The following HSPD1 variants were observed in gnomAD, a reference collection of about 807,000 sequenced individuals.
HSPD1 encodes the protein heat shock protein family D (Hsp60) member 1.
In HSPD1, 3 loss-of-function variants were observed where a neutral mutation model predicts 53.0. The ratio of observed to expected loss-of-function variants is 0.06; its 90% confidence interval spans 0.03 to 0.15. The LOEUF (loss-of-function observed/expected upper bound fraction) is 0.15, where lower values mean the gene tolerates loss of function less well. HSPD1 is among the 10% of genes least tolerant of loss of function. The probability of loss-of-function intolerance (pLI) is 1.00; values close to 1 mark genes in which losing one functional copy is unlikely to be tolerated. For synonymous variants in HSPD1, 200 were observed against 228.0 expected (o/e 0.88, Z 1.10); for missense variants, 431 against 694.1 (o/e 0.62, Z 4.26).
intron 3 of HSPD1, chr2:197,496,884 TG>T (rs2086164918): frequency 2.1e-6 from 1 of 482,230 alleles, no homozygotes; most frequent in Non-Finnish European, 3.8e-6. Context: ...CAGTCCAGCC[TG>T]GGCTACAGAG....
upstream of HSPD1, chr2:197,500,192 G>C (rs1303617308): frequency 6.8e-6 from 4 of 590,916 alleles, no homozygotes; most frequent in Non-Finnish European, 3.0e-6. Context: ...CCTAGAAACA[G>C]CTCCTTTTTT....
rs531036317 is a variant in HSPD1, at chr2:197,494,092, C to T, written c.700+65G>A. The T allele has an allele frequency of 3.1e-4, 263 of 835,972 alleles. 1 individual carries two copies. The Middle Eastern group carries it at 3.8e-3, about 12-fold the overall frequency. The allele number at this position is 835,972 out of a possible 1,614,324, so 51.8% of individuals were successfully genotyped here. On this transcript the variant is annotated intron_variant, in intron 6 of 11. Transcript: ENST00000388968. Reference sequence around the variant, plus strand: ...TGCCACTGCACTCCAGCCGGGGCAACAGAGAATGAGACTCTGTCTAAAATA... The same window carrying T: ...TGCCACTGCACTCCAGCCGGGGCAATAGAGAATGAGACTCTGTCTAAAATA...
In HSPD1 at chr2:197,493,627, A is replaced by T. The variant is rs1365750488; in HGVS notation, c.701-135T>A. 1.4e-5 allele frequency: 10 copies of T among 692,938 alleles called. No homozygotes were observed. In the Admixed American group the frequency reaches 2.4e-4, roughly 17 times the overall value. The allele number at this position is 692,938 out of a possible 1,614,324, so 42.9% of individuals were successfully genotyped here. ...TTTTCCTCCTTCATTTCTCATATGCATTAACTTTTGGAATATATACATTTA... is the reference window on the plus strand; with the variant it reads ...TTTTCCTCCTTCATTTCTCATATGCTTTAACTTTTGGAATATATACATTTA... On this transcript the variant is annotated intron_variant, in intron 6 of 11. Transcript: ENST00000388968.
At chr2:197,498,587 A>G (rs1374298369) in intron 2 of HSPD1, 88 bp downstream of exon 2, 1 of 1,162,564 alleles carries the variant, frequency 8.6e-7, no homozygotes, top group Non-Finnish European at 1.3e-6. Context: ...ATGGAGATGA[A>G]AGTACTGTTG....
chr2:197,487,115 T>C lies in HSPD1; in HGVS notation c.1653A>G (p.Lys551=), dbSNP rs1471975974. The C allele has an allele frequency of 3.2e-6, 5 of 1,582,454 alleles. No homozygotes were observed. Among genetic ancestry groups the C allele is most frequent in the Non-Finnish European group, 4.3e-6 (5 of 1,151,618 alleles). The change falls in exon 12 of 12, where the codon AAA becomes AAG. Residue 551 remains lysine, a synonymous_variant. Transcript: ENST00000388968. ...TAEVVVTEIP[K]EEKDPGMGAM... ...CACCCATTCCAGGGTCCTTCTCTTC[T>C]TTAGGAATTTCTGTGACTACAACTT...
In HSPD1 at chr2:197,489,164, G is replaced by A. The variant is rs762528177; in HGVS notation, c.1053C>T (p.Thr351=). The part of the protein sequence containing the change: ...DLGKVGEVIV[T]KDDAMLLKGK... ...CTTTTAAGAGCATGGCATCGTCTTTGGTCACAATGACCTCTCCAACTTTTC... is the reference window on the plus strand; with the variant it reads ...CTTTTAAGAGCATGGCATCGTCTTTAGTCACAATGACCTCTCCAACTTTTC... Residue 351 remains threonine (T), a synonymous_variant, in exon 9 of 12, where the codon ACC becomes ACT. Transcript: ENST00000388968. 1 of 1,613,968 alleles carries A rather than the reference G, an allele frequency of 6.2e-7. No individual in the cohort carries two copies.
In HSPD1 at chr2:197,494,258, A is replaced by T. The variant is rs1393999852; in HGVS notation, c.607-8T>A. The T allele has an allele frequency of 4.0e-5, 54 of 1,361,714 alleles. No individual in the cohort carries two copies. Among genetic ancestry groups the T allele is most frequent in the Non-Finnish European group, 5.6e-5 (53 of 949,852 alleles). 84.4% of individuals were successfully genotyped at this position (1,361,714 alleles called of 1,614,324 possible). ...ATTCAGTGTTTTTCCATCCTATGAA[A>T]AGTCAAAGAATTAGGTATATGGATT... is the stretch of plus-strand genomic sequence containing the variant. On this transcript the variant is annotated splice_region_variant and splice_polypyrimidine_tract_variant and intron_variant, in intron 5 of 11. Transcript: ENST00000388968.
chr2:197,494,094 G>C (rs1025909041), intron 6 of HSPD1, 63 bp downstream of exon 6: 3 of 846,410 alleles, frequency 3.5e-6, no homozygotes, highest in Non-Finnish European at 6.0e-6. Context: ...CGGGGCAACA[G>C]AGAATGAGAC....
At chr2:197,488,940 C>T in intron 9 of HSPD1, 62 bp downstream of exon 9, 1 of 1,572,090 alleles carries the variant, frequency 6.4e-7, no homozygotes. Flanking sequence ...GGGAATACTA[C>T]AGAAGCAAAA....
At chr2:197,495,126 C>A in intron 4 of HSPD1, 168 bp downstream of exon 4, 1 of 641,398 alleles carries the variant, frequency 1.6e-6, no homozygotes, top group South Asian at 1.9e-5. Context: ...AAATGACAAC[C>A]ATTATGGTCA....
At chr2:197,499,284 G>GTC (rs746548366) in intron 1 of HSPD1, 49 of 286,744 alleles carry the variant, frequency 1.7e-4, no homozygotes, top group Non-Finnish European at 2.8e-4. Flanking sequence ...TCAGCAAAGT[G>GTC]TCTCCATGGA....
At chr2:197,494,466 G>A in intron 5 of HSPD1, 191 bp downstream of exon 5, 1 of 631,000 alleles carries the variant, frequency 1.6e-6, no homozygotes, top group Non-Finnish European at 2.8e-6. Flanking sequence ...ATGCAGCAAA[G>A]GCTAATTCAC....
At chr2:197,494,368 A>C in intron 5 of HSPD1, 118 bp from the exon 6 acceptor site, 1 of 697,324 alleles carries the variant, frequency 1.4e-6, no homozygotes, top group Admixed American at 2.4e-5. Flanking sequence ...TAGAGTATGA[A>C]ACAGCCCAGG....
At chr2:197,494,600 CAAACTTTTGATCATA>C (rs2086134658) in intron 5 of HSPD1, 42 bp downstream of exon 5, 50 of 810,324 alleles carry the variant, frequency 6.2e-5, no homozygotes, top group Non-Finnish European at 9.3e-5. Flanking sequence ...TCAGATAACT[CAAACTTTTGATCATA>C]AGATAACTCA....
upstream of HSPD1, chr2:197,500,141 G>A (rs1026766351): frequency 3.5e-5 from 18 of 508,168 alleles, no homozygotes; most frequent in Non-Finnish European, 5.7e-5. Flanking sequence ...GGGAGGGGAC[G>A]AAGGGGTAGT....
intron 2 of HSPD1, among the ~76,000 whole-genome samples, chr2:197,498,471 G>C (rs1277761163): frequency 6.6e-6 from 1 of 152,134 alleles, no homozygotes; most frequent in East Asian, 1.9e-4. Context: ...GAACAAAATA[G>C]TTTCGAAAAT....
At chr2:197,493,136 T>C (rs1324351234) in intron 7 of HSPD1, among the ~76,000 whole-genome samples, 188 bp downstream of exon 7, 1 of 152,190 alleles carries the variant, frequency 6.6e-6, no homozygotes, top group East Asian at 1.9e-4. Flanking sequence ...GTAAAGACTT[T>C]GGGGTTCCTT....
chr2:197,495,151 G>A, intron 4 of HSPD1, 143 bp downstream of exon 4: 1 of 668,006 alleles, frequency 1.5e-6, no homozygotes, highest in Non-Finnish European at 2.7e-6. Context: ...TCTTTTCAAA[G>A]GTTTTAGCAG....
chr2:197,489,548 T>C (rs556194072), intron 8 of HSPD1, among the ~76,000 whole-genome samples: 54 of 152,282 alleles, frequency 3.5e-4, no homozygotes, highest in African/African-American at 1.2e-3. Context: ...AAGTCCTACA[T>C]CCCTTGTAGC....
Sources: gnomAD v4.1 joint callset for allele counts (sites outside exome capture counted in the v4.1 genomes callset) on GRCh38, gnomAD v4.1.1 for gene constraint, MANE v1.5 for transcripts, NCBI Gene and HGNC (gene_info 2026-07-23, HGNC 2026-07-21) for gene names.